Variants in GFAP observed in about 807,000 individuals in gnomAD.
GFAP encodes intermediate filament protein.
Under a neutral mutation model 49.3 loss-of-function variants are expected in GFAP, and 38 were observed. That is an observed-to-expected ratio of 0.77 (90% CI 0.60 to 1.01). GFAP has a LOEUF of 1.01. GFAP is among the 50% of genes least tolerant of loss of function. The pLI, the probability that GFAP is intolerant of heterozygous loss-of-function variation, is 0.00. For missense variants in GFAP, 463 were observed against 579.1 expected (o/e 0.80, Z 2.06); for synonymous variants, 222 against 236.4 (o/e 0.94, Z 0.56).
At chr17:44,910,198 T>C (rs1331330084) in intron 7 of GFAP, 1 of 1,613,840 alleles carries the variant, frequency 6.2e-7, no homozygotes, top group African/African-American at 1.3e-5. Context: ...ATAACTCGTA[T>C]TGTGAGGCTT....
chr17:44,908,234 C>T (rs754341872), intron 7 of GFAP, 85 bp from the exon 8 acceptor site: 12 of 896,138 alleles, frequency 1.3e-5, no homozygotes, highest in Admixed American at 1.0e-4. Flanking sequence ...CATCGCACCC[C>T]CCTCCCCATC....
chr17:44,907,443 C>G, intron 8 of GFAP, 55 bp from the exon 9 acceptor site: 1 of 1,247,318 alleles, frequency 8.0e-7, no homozygotes, highest in African/African-American at 1.5e-5. Flanking sequence ...ACACAGACCC[C>G]AGGTCCACCA....
Position 44,904,198 on chromosome 17 carries a change from C to A in GFAP, c.*3149G>T, listed in dbSNP as rs780559028. The A allele has an allele frequency of 6.4e-7, 1 of 1,550,470 alleles. No individual in the cohort carries two copies. The highest frequency in any genetic ancestry group is 2.4e-5 in the East Asian group (1 of 40,940). On this transcript the variant is annotated 3_prime_UTR_variant, in exon 9 of 9. Coordinates refer to ENST00000588735, the MANE Select transcript of GFAP (RefSeq NM_002055.5). ...CTCAGTCTGAGGACTCAGGCCTGTA[C>A]TTCTGCGGCACCCGCAAGGGGGACT...
At chr17:44,909,863 A>G in intron 7 of GFAP, 12 of 1,286,532 alleles carry the variant, frequency 9.3e-6, no homozygotes, top group Non-Finnish European at 1.1e-5. Context: ...AAGAGGTGAG[A>G]CAGAGGCTGC....
At chr17:44,913,909 C>G in intron 2 of GFAP, 86 bp from the exon 3 acceptor site, 1 of 1,366,690 alleles carries the variant, frequency 7.3e-7, no homozygotes, top group Non-Finnish European at 1.0e-6. Flanking sequence ...CTTACCCCTC[C>G]TTCTGGGGCA....
Position 44,907,374 on chromosome 17 carries a change from G to C in GFAP, c.1272C>G (p.Ser424=). Residue 424 remains serine, a synonymous_variant, in exon 9 of 9, where the codon TCC becomes TCG. Transcript: ENST00000588735. The part of the protein sequence containing the change: ...EMRDGEVIKE[S]KQEHKDVM ...ACATCACATCCTTGTGCTCCTGCTT[G>C]GACTCCTTAATGACCTGCAGGGGAC... The C allele has an allele frequency of 6.2e-7, 1 of 1,613,376 alleles. No individual in the cohort carries two copies.
At chr17:44,912,942 T>G in intron 4 of GFAP, 1 of 357,256 alleles carries the variant, frequency 2.8e-6, no homozygotes, top group African/African-American at 2.1e-5. Flanking sequence ...TTTGAGCAAA[T>G]TAGTTAACCT....
At position 44,904,581 on chromosome 17, in the gene GFAP, A is replaced by G. The variant is rs2051621709; in HGVS notation, c.*2766T>C. 2 of 1,550,466 alleles carry G rather than the reference A, an allele frequency of 1.3e-6. No homozygotes were observed. Among genetic ancestry groups the G allele is most frequent in the Non-Finnish European group, 1.7e-6 (2 of 1,146,996 alleles). ...TGTGAGAAGACAAAGACCATCCGGG[A>G]GGGCGTGCTGGCCATCATTAACTAT... is the stretch of plus-strand genomic sequence containing the variant. On this transcript the variant is annotated 3_prime_UTR_variant, in exon 9 of 9. Transcript: ENST00000588735.
At position 44,911,473 on chromosome 17, in the gene GFAP, GCCGGTCCCGCGGAGCC is replaced by G. The variant is rs2051764211; in HGVS notation, c.907-33_907-18del. On this transcript the variant is annotated intron_variant, in intron 5 of 8. Transcript: ENST00000588735. ...GGACTCGTTCTGTGGGATGGAGCCG[GCCGGTCCCGCGGAGCC>G]CCGACCCGACTTGGGGAGGTTTCGA... is the stretch of plus-strand genomic sequence containing the variant. 6.3e-7 allele frequency: 1 copy of G among 1,588,890 alleles called. No individual in the cohort carries two copies. The highest frequency in any genetic ancestry group is 1.1e-5 in the South Asian group (1 of 88,596).
Position 44,911,738 on chromosome 17 carries a change from G to A in GFAP, c.840C>T (p.His280=). ...ACTGGCGCCGGTAGTCGTTGGCTTC[G>A]TGCTTGGCCTGGCGGAGCAGCTCCG... ...RNAELLRQAK[H]EANDYRRQLQ... Residue 280 remains histidine, a synonymous_variant, in exon 5 of 9, where the codon CAC becomes CAT. Coordinates refer to ENST00000588735, the MANE Select transcript of GFAP (RefSeq NM_002055.5). 6.2e-7 allele frequency: 1 copy of A among 1,614,014 alleles called. No individual in the cohort carries two copies.
rs1487246537 is a variant in GFAP at position 44,905,011 on chromosome 17, C to G, written c.*2336G>C. On this transcript the variant is annotated 3_prime_UTR_variant, in exon 9 of 9. Coordinates refer to ENST00000588735, the MANE Select transcript of GFAP (RefSeq NM_002055.5). ...TGCTCATCACAGCAGTCTTTGTCACCATTCACTTCTGTCGTTGCTGCTGCT... is the reference window on the plus strand; with the variant it reads ...TGCTCATCACAGCAGTCTTTGTCACGATTCACTTCTGTCGTTGCTGCTGCT... 6.4e-7 allele frequency: 1 copy of G among 1,550,732 alleles called. No individual in the cohort carries two copies.
In GFAP at chr17:44,907,162, T is replaced by A; in HGVS notation, c.*185A>T. 1 of 647,006 alleles carries A rather than the reference T, an allele frequency of 1.5e-6. No individual in the cohort carries two copies. Among genetic ancestry groups the A allele is most frequent in the African/African-American group, 1.8e-5 (1 of 55,816 alleles). The allele number at this position is 647,006 out of a possible 1,614,324, so 40.1% of individuals were successfully genotyped here. A position where few individuals can be genotyped will look rare whatever the true frequency, so the allele number is the denominator to read the frequency against. ...TGCTGGGTGCTGGGTGGGTGCCGTC[T>A]GGCAGGCCTGATACTGACGGAGCCT... On this transcript the variant is annotated 3_prime_UTR_variant, in exon 9 of 9. Transcript: ENST00000588735.
chr17:44,911,205 G>A (rs754091548), intron 6 of GFAP, 31 bp downstream of exon 6: 11 of 1,589,644 alleles, frequency 6.9e-6, no homozygotes, highest in Non-Finnish European at 9.5e-6. Context: ...GCAGCAGGGA[G>A]ACTTCCCCAG....
chr17:44,904,000 C>T lies in GFAP; in HGVS notation c.*3347G>A, dbSNP rs140032762. On this transcript the variant is annotated 3_prime_UTR_variant, in exon 9 of 9. Transcript: ENST00000588735. Reference sequence around the variant, plus strand: ...TTGAGCTTCCCTGTCACTGCAAACCCGAAGAGGTGCCAGCTGTAGTCTGGT... The same window carrying T: ...TTGAGCTTCCCTGTCACTGCAAACCTGAAGAGGTGCCAGCTGTAGTCTGGT... 88 of 1,550,632 alleles carry T rather than the reference C, an allele frequency of 5.7e-5. No homozygotes were observed. The African/African-American group carries it at 7.8e-4, about 14-fold the overall frequency.
In GFAP at chr17:44,903,700, T is replaced by G. The variant is rs773459849; in HGVS notation, c.*3647A>C. On this transcript the variant is annotated 3_prime_UTR_variant, in exon 9 of 9. Coordinates refer to ENST00000588735, the MANE Select transcript of GFAP (RefSeq NM_002055.5). Reference sequence around the variant, plus strand: ...CTTGGCGGCTTCCTCTGCAGATTGTTGCTGCTTTTCCTGGCTGCATAATCC... The same window carrying G: ...CTTGGCGGCTTCCTCTGCAGATTGTGGCTGCTTTTCCTGGCTGCATAATCC... 2.9e-4 allele frequency: 417 copies of G among 1,439,610 alleles called. No individual in the cohort carries two copies. Among genetic ancestry groups the G allele is most frequent in the Non-Finnish European group, 3.4e-4 (380 of 1,102,050 alleles). The allele number at this position is 1,439,610 out of a possible 1,614,324, so 89.2% of individuals were successfully genotyped here. A position where few individuals can be genotyped will look rare whatever the true frequency, so the allele number is the denominator to read the frequency against.
rs139837765 is a variant in GFAP at position 44,915,410 on chromosome 17, G to T, written c.77C>A (p.Ala26Asp). The T allele has an allele frequency of 6.2e-7, 1 of 1,607,426 alleles. No homozygotes were observed. The highest frequency in any genetic ancestry group is 1.1e-5 in the South Asian group (1 of 90,578). Reference protein sequence around the residue: ...SSGEMMVGGLAPGRRLGPGTR... With the variant: ...SSGEMMVGGLDPGRRLGPGTR... The stretch of plus-strand genomic sequence containing the variant: ...GCCAGGACCCAGACGGCGGCCAGGA[G>T]CCAGGCCCCCCACCATCATCTCCCC... The change falls in exon 1 of 9, where the codon GCT (alanine) becomes GAT (aspartate). Residue 26 changes from alanine to aspartate, a missense_variant. Transcript: ENST00000588735. The surrounding 1 kb of genome is among the most constrained non-coding windows in gnomAD (Gnocchi z 4.1).
intron 8 of GFAP, 117 bp from the exon 9 acceptor site, chr17:44,907,505 T>C: frequency 1.3e-6 from 1 of 756,416 alleles, no homozygotes; most frequent in Non-Finnish European, 2.4e-6. Context: ...GTCTTACTTT[T>C]CTTGATAGTA....
At chr17:44,913,093 C>T (rs2051810738) in intron 4 of GFAP, among the ~76,000 whole-genome samples, 176 bp downstream of exon 4, 1 of 152,206 alleles carries the variant, frequency 6.6e-6, no homozygotes, top group African/African-American at 2.4e-5. Context: ...ATAATGGGTA[C>T]TTTTGAAAGC....
At position 44,905,151 on chromosome 17, in the gene GFAP, T is replaced by G; in HGVS notation, c.*2196A>C. The G allele has an allele frequency of 2.3e-4, 244 of 1,060,488 alleles. No individual in the cohort carries two copies. The highest frequency in any genetic ancestry group is 3.1e-4 in the Non-Finnish European group (227 of 734,714). The allele number at this position is 1,060,488 out of a possible 1,614,324, so 65.7% of individuals were successfully genotyped here. A position where few individuals can be genotyped will look rare whatever the true frequency, so the allele number is the denominator to read the frequency against. On this transcript the variant is annotated 3_prime_UTR_variant, in exon 9 of 9. Transcript: ENST00000588735. ...ACCAGATGTCTCTGGGTGGGTACCC[T>G]GGGTTGGGACAGGTGGTAGGAACAT...
Sources: allele counts gnomAD v4.1 joint callset (sites outside exome capture counted in the v4.1 genomes callset), GRCh38; gene constraint gnomAD v4.1.1; non-coding constraint Gnocchi (gnomAD v3.1); transcripts MANE v1.5; gene names NCBI Gene and HGNC (gene_info 2026-07-23, HGNC 2026-07-21).